Variants in IFT140 observed in about 807,000 individuals in gnomAD.
IFT140 encodes intraflagellar transport 140.
A neutral mutation model predicts 164.6 loss-of-function variants in IFT140; 133 were observed. That is an observed-to-expected ratio of 0.81 (90% CI 0.70 to 0.93). The LOEUF is 0.93. Ranked by LOEUF, IFT140 falls within the 40% of genes least tolerant of loss-of-function variation. The pLI is 0.00. For synonymous variants in IFT140, 860 were observed against 817.3 expected (o/e 1.05, Z -0.89); for missense variants, 2,045 against 1,972.3 (o/e 1.04, Z -0.70).
chr16:1,592,629 GCAGAGCGAC>G, intron 4 of IFT140, 41 bp from the exon 5 acceptor site: 1 of 1,584,702 alleles, frequency 6.3e-7, no homozygotes, highest in Non-Finnish European at 8.6e-7. Flanking sequence ...AGGTGTCCCG[GCAGAGCGAC>G]TGGTGGAGGG....
chr16:1,525,649 C>T (rs111399058), intron 21 of IFT140, among the ~76,000 whole-genome samples: 284 of 152,350 alleles, frequency 1.9e-3, no homozygotes, highest in African/African-American at 6.3e-3. Context: ...ACTGACACCA[C>T]CAATGGGACA....
chr16:1,516,169 A>AAC (rs2040336162), intron 30 of IFT140, among the ~76,000 whole-genome samples: 7 of 124,266 alleles, frequency 5.6e-5, no homozygotes, highest in Non-Finnish European at 9.9e-5. Context: ...AAAAAAAAAA[A>AAC]AAAAAAAAAC....
intron 19 of IFT140, among the ~76,000 whole-genome samples, chr16:1,537,552 CTGTGGTG>C (rs760735899): frequency 3.5e-4 from 54 of 152,200 alleles, no homozygotes; most frequent in Non-Finnish European, 6.5e-4. Flanking sequence ...GTCCTGTGGC[CTGTGGTG>C]AGTGGGACTT....
Position 1,523,517 on chromosome 16 carries a change from C to T in IFT140, c.3453+1G>A. On this transcript the variant is annotated splice_donor_variant, in intron 26 of 30. Coordinates refer to ENST00000426508, the MANE Select transcript of IFT140 (RefSeq NM_014714.4). LOFTEE classifies it high-confidence loss of function. ...GAGCCCAGGCCCCGCTGGCCCCGTA[C>T]CTTCCTGGCAGCCAGCAGCAGCTCT... is the stretch of plus-strand genomic sequence containing the variant. 1 of 1,609,856 alleles carries T rather than the reference C, an allele frequency of 6.2e-7. No homozygotes were observed. The highest frequency in any genetic ancestry group is 8.5e-7 in the Non-Finnish European group (1 of 1,179,488).
In IFT140 at chr16:1,589,784, G is replaced by A. The variant is rs768454333; in HGVS notation, c.635-4C>T. On this transcript the variant is annotated splice_polypyrimidine_tract_variant and splice_region_variant and intron_variant, in intron 6 of 30. Transcript: ENST00000426508. Reference sequence around the variant, plus strand: ...TCATCCACATAGTGCACTGTCCCTGGGGACAAACGTGGGGTCACTACATGA... The same window carrying A: ...TCATCCACATAGTGCACTGTCCCTGAGGACAAACGTGGGGTCACTACATGA... 1 of 1,610,480 alleles carries A rather than the reference G, an allele frequency of 6.2e-7. No homozygotes were observed. The highest frequency in any genetic ancestry group is 1.7e-5 in the Admixed American group (1 of 59,958).
chr16:1,611,543 G>A (rs564525636), intron 1 of IFT140, among the ~76,000 whole-genome samples: 4 of 150,106 alleles, frequency 2.7e-5, no homozygotes, highest in Non-Finnish European at 5.9e-5. Flanking sequence ...AGCCGGGCGC[G>A]GTGGCTCACG....
intron 13 of IFT140, chr16:1,578,408 T>G (rs560352423): frequency 1.3e-5 from 2 of 151,956 alleles, no homozygotes; most frequent in South Asian, 4.2e-4. Context: ...TGACAAAAGC[T>G]CTCAACCTGG....
intron 7 of IFT140, among the ~76,000 whole-genome samples, chr16:1,588,262 A>G (rs1004792910): frequency 5.9e-5 from 9 of 152,200 alleles, no homozygotes; most frequent in African/African-American, 1.7e-4. Flanking sequence ...GCAGTGGCTC[A>G]TGCCTGTAAT....
chr16:1,526,361 A>C (rs1475548258), intron 20 of IFT140: 1 of 441,722 alleles, frequency 2.3e-6, no homozygotes. Context: ...AGCCCTGCTG[A>C]CCTGGGGGTC....
intron 24 of IFT140, 104 bp downstream of exon 24, chr16:1,524,448 G>A (rs540118502): frequency 6.0e-4 from 873 of 1,460,056 alleles, no homozygotes; most frequent in African/African-American, 4.0e-3. Flanking sequence ...GACACTGGCC[G>A]GACCACGTGT....
intron 10 of IFT140, among the ~76,000 whole-genome samples, chr16:1,585,791 GA>G (rs1364760390): frequency 1.8e-5 from 2 of 113,358 alleles, no homozygotes; most frequent in Non-Finnish European, 3.4e-5. Context: ...TTTTTTTTGA[GA>G]CGGAGTCTCA....
chr16:1,521,583 G>C (rs1044328119), intron 26 of IFT140, among the ~76,000 whole-genome samples: 9 of 151,240 alleles, frequency 6.0e-5, no homozygotes, highest in Non-Finnish European at 7.4e-5. Context: ...GTAGAGACAG[G>C]GTTTCTCCCT....
chr16:1,592,353 T>C (rs2035223602), intron 5 of IFT140, 35 bp from the exon 6 acceptor site: 2 of 1,613,702 alleles, frequency 1.2e-6, no homozygotes, highest in Non-Finnish European at 1.7e-6. Context: ...AAGATTCTTC[T>C]GCCACTCCTA....
At chr16:1,568,932 C>A (rs1420609203) in intron 14 of IFT140, among the ~76,000 whole-genome samples, 1 of 152,180 alleles carries the variant, frequency 6.6e-6, no homozygotes. Flanking sequence ...TAACTCGTCC[C>A]CTGCCAGTGA....
intron 15 of IFT140, among the ~76,000 whole-genome samples, chr16:1,566,842 C>T (rs557000772): frequency 2.0e-5 from 3 of 152,290 alleles, no homozygotes; most frequent in South Asian, 4.1e-4. Context: ...GCCTCCTTCT[C>T]CCAGTGGCCC....
At chr16:1,518,575 T>C (rs1362887399) in intron 29 of IFT140, among the ~76,000 whole-genome samples, 2 of 152,044 alleles carry the variant, frequency 1.3e-5, no homozygotes, top group African/African-American at 4.8e-5. Flanking sequence ...GTCCTATGCT[T>C]GGACTGAAGA....
At position 1,564,055 on chromosome 16, in the gene IFT140, G is replaced by A. The variant is rs149845330; in HGVS notation, c.2009C>T (p.Pro670Leu). The change falls in exon 17 of 31, where the codon CCG becomes CTG. Residue 670 changes from proline to leucine, a missense_variant. Physicochemically the swap from Pro to Leu is moderately conservative, Grantham distance 98. Coordinates refer to ENST00000426508, the MANE Select transcript of IFT140 (RefSeq NM_014714.4). The surrounding 1 kb of genome is among the most constrained non-coding windows in gnomAD (Gnocchi z 5.5). ...GTTTGCAGACTGAGGCTGGGAGCGC[G>A]GCGTCTCCTGCACGGCTTCGCATAC... ...LFVCEAVQET[P>L]RSQPQSANGQ... is the part of the protein sequence containing the mutation. 1.3e-5 allele frequency: 21 copies of A among 1,601,676 alleles called. No homozygotes were observed. The highest frequency in any genetic ancestry group is 4.0e-5 in the African/African-American group (3 of 74,760).
At chr16:1,610,335 G>T (rs757767880) in intron 2 of IFT140, 10 of 154,876 alleles carry the variant, frequency 6.5e-5, no homozygotes, top group Non-Finnish European at 1.3e-4. Context: ...TGCATCTCTC[G>T]TTTGTCCCGT....
chr16:1,592,109 T>C, intron 6 of IFT140, 67 bp downstream of exon 6: 1 of 1,560,126 alleles, frequency 6.4e-7, no homozygotes. Context: ...CATCTGTGAG[T>C]TTAAAATCCC....
Sources: allele counts gnomAD v4.1 joint callset (sites outside exome capture counted in the v4.1 genomes callset), GRCh38; gene constraint gnomAD v4.1.1; non-coding constraint Gnocchi (gnomAD v3.1); transcripts MANE v1.5; gene names NCBI Gene and HGNC (gene_info 2026-07-23, HGNC 2026-07-21).